Variants in DOK6 observed in about 807,000 individuals in gnomAD.
The protein encoded by DOK6 is downstream of tyrosine kinase 6.
DOK6 carries 22 observed loss-of-function variants against 44.0 expected under a neutral mutation model. The observed-to-expected ratio is 0.50, with a 90% CI of 0.36 to 0.71. DOK6 has a LOEUF of 0.71. Among genes scored for constraint, DOK6 ranks in the 30% least tolerant of loss-of-function variants. DOK6 has a pLI of 0.00. For missense variants in DOK6, 340 were observed against 416.4 expected (o/e 0.82, Z 1.60); for synonymous variants, 166 against 145.5 (o/e 1.14, Z -1.01).
At chr18:69,447,766 G>A (rs892585356) in intron 1 of DOK6, among the ~76,000 whole-genome samples, 1 of 152,128 alleles carries the variant, frequency 6.6e-6, no homozygotes, top group South Asian at 2.1e-4. Flanking sequence ...ATAGCCCTGG[G>A]CATGTAATTA....
intron 5 of DOK6, among the ~76,000 whole-genome samples, chr18:69,730,158 C>G (rs892528695): frequency 6.6e-6 from 1 of 152,194 alleles, no homozygotes; most frequent in African/African-American, 2.4e-5. Flanking sequence ...CACAAAGCAG[C>G]CTGCTCTGAC....
chr18:69,504,906 T>G lies in DOK6; in HGVS notation c.67-59581T>G, dbSNP rs377237390. Among the ~76,000 whole-genome samples the G allele has an allele frequency of 1.3e-4, 20 of 152,222 alleles. 1 individual carries two copies. In the East Asian group the frequency reaches 1.9e-3, roughly 15 times the overall value. Reference sequence around the variant, plus strand: ...TGAAGACTTTAAAGATGAGATTGTCTGTGTCTTTTTCTCTAATTAAAAGCT... The same window carrying G: ...TGAAGACTTTAAAGATGAGATTGTCGGTGTCTTTTTCTCTAATTAAAAGCT... On this transcript the variant is annotated intron_variant, in intron 1 of 7. Transcript: ENST00000382713.
At chr18:69,489,840 A>G (rs1980684700) in intron 1 of DOK6, among the ~76,000 whole-genome samples, 1 of 152,170 alleles carries the variant, frequency 6.6e-6, no homozygotes, top group South Asian at 2.1e-4. Flanking sequence ...GGAAGAAAAC[A>G]GCAGTATTTT....
intron 7 of DOK6, among the ~76,000 whole-genome samples, chr18:69,819,184 A>T (rs1024514330): frequency 1.3e-5 from 2 of 152,168 alleles, no homozygotes; most frequent in African/African-American, 4.8e-5. Flanking sequence ...ACTTTTAACC[A>T]GTATCACTCA....
chr18:69,569,529 A>G (rs1983064345), intron 2 of DOK6, among the ~76,000 whole-genome samples: 1 of 152,230 alleles, frequency 6.6e-6, no homozygotes, highest in Non-Finnish European at 1.5e-5. Flanking sequence ...TACTATGAAA[A>G]TGGAGTCCAA....
At chr18:69,687,442 G>A (rs1986176442) in intron 4 of DOK6, among the ~76,000 whole-genome samples, 1 of 152,190 alleles carries the variant, frequency 6.6e-6, no homozygotes, top group African/African-American at 2.4e-5. Flanking sequence ...AGCATTTTGG[G>A]AGGCTGAGGC....
At chr18:69,505,859 A>G (rs919681620) in intron 1 of DOK6, among the ~76,000 whole-genome samples, 20 of 152,002 alleles carry the variant, frequency 1.3e-4, no homozygotes, top group Admixed American at 6.5e-5. Context: ...TCCTATTTCT[A>G]ACAACAAAAA....
At chr18:69,655,563 G>A (rs1171810632) in intron 3 of DOK6, among the ~76,000 whole-genome samples, 1 of 151,732 alleles carries the variant, frequency 6.6e-6, no homozygotes, top group African/African-American at 2.4e-5. Flanking sequence ...GACCACCCTG[G>A]GCAACATGGT....
Position 69,727,678 on chromosome 18 carries a change from A to T in DOK6, c.600-11287A>T, listed in dbSNP as rs533295806. On this transcript the variant is annotated intron_variant, in intron 5 of 7. Coordinates refer to ENST00000382713, the MANE Select transcript of DOK6 (RefSeq NM_152721.6). Reference sequence around the variant, plus strand: ...CCTTTGCCAATTAATTTTCACAGACAAGGGAGTAAAAGTTTTGCTATTTGA... The same window carrying T: ...CCTTTGCCAATTAATTTTCACAGACTAGGGAGTAAAAGTTTTGCTATTTGA... 1.4e-4 allele frequency among the ~76,000 whole-genome samples: 22 copies of T among 152,358 alleles called. No individual in the cohort carries two copies. The South Asian group carries it at 4.3e-3, about 30-fold the overall frequency.
intron 2 of DOK6, among the ~76,000 whole-genome samples, chr18:69,564,919 C>T (rs968675941): frequency 1.3e-5 from 2 of 152,212 alleles, no homozygotes; most frequent in South Asian, 4.1e-4. Context: ...TTGGCGTAAA[C>T]TGTGAACAAT....
intron 5 of DOK6, among the ~76,000 whole-genome samples, chr18:69,703,010 AAC>A (rs922309308): frequency 7.9e-5 from 12 of 151,486 alleles, no homozygotes; most frequent in Admixed American, 7.3e-4. Context: ...TCTCAATAAA[AAC>A]AGTTTCCTAA....
intron 5 of DOK6, among the ~76,000 whole-genome samples, chr18:69,724,157 T>C (rs1327462666): frequency 7.9e-5 from 12 of 152,186 alleles, no homozygotes; most frequent in African/African-American, 2.7e-4. Flanking sequence ...AAATGTGTAA[T>C]CAATCCCTGA....
intron 7 of DOK6, among the ~76,000 whole-genome samples, chr18:69,790,475 G>T (rs1980561744): frequency 6.6e-6 from 1 of 152,062 alleles, no homozygotes; most frequent in South Asian, 2.1e-4. Context: ...AAATTATAAA[G>T]TCTAGAATGT....
At chr18:69,837,624 T>C (rs1269117819) in intron 7 of DOK6, among the ~76,000 whole-genome samples, 1 of 147,850 alleles carries the variant, frequency 6.8e-6, no homozygotes, top group African/African-American at 2.5e-5. Context: ...AAAAAGAAAA[T>C]TAACATTTAT....
At chr18:69,602,659 A>G (rs1343445263) in intron 3 of DOK6, among the ~76,000 whole-genome samples, 1 of 152,240 alleles carries the variant, frequency 6.6e-6, no homozygotes, top group Non-Finnish European at 1.5e-5. Context: ...GAAGATAGAT[A>G]TAGGCTATAT....
chr18:69,770,923 G>A (rs1979870106), intron 7 of DOK6, among the ~76,000 whole-genome samples: 1 of 151,870 alleles, frequency 6.6e-6, no homozygotes, highest in African/African-American at 2.4e-5. Context: ...GTTATTCCCT[G>A]TTGTTAGTTC....
intron 7 of DOK6, among the ~76,000 whole-genome samples, chr18:69,766,289 T>C (rs1979714070): frequency 6.6e-6 from 1 of 152,150 alleles, no homozygotes; most frequent in Admixed American, 6.5e-5. Flanking sequence ...AACTATTGGG[T>C]ACTATGCTCA....
At chr18:69,764,015 C>G (rs1209432827) in intron 7 of DOK6, among the ~76,000 whole-genome samples, 1 of 152,144 alleles carries the variant, frequency 6.6e-6, no homozygotes, top group South Asian at 2.1e-4. Flanking sequence ...ATGTGAGCCC[C>G]ATGCTCTTGC....
At chr18:69,473,858 C>T (rs1331365942) in intron 1 of DOK6, among the ~76,000 whole-genome samples, 1 of 152,188 alleles carries the variant, frequency 6.6e-6, no homozygotes, top group Admixed American at 6.5e-5. Context: ...GGATATGTTC[C>T]TTCTGTGCTG....
Sources: allele counts gnomAD v4.1 joint callset (sites outside exome capture counted in the v4.1 genomes callset), GRCh38; gene constraint gnomAD v4.1.1; transcripts MANE v1.5; gene names NCBI Gene and HGNC (gene_info 2026-07-23, HGNC 2026-07-21).